PHKA1: variants seen among roughly 807,000 people sequenced by gnomAD.
PHKA1 encodes phosphorylase b kinase regulatory subunit alpha, skeletal muscle isoform.
Under a neutral mutation model 110.2 loss-of-function variants are expected in PHKA1, and 60 were observed. The observed-to-expected ratio is 0.54, with a 90% confidence interval of 0.44 to 0.68. PHKA1 has a LOEUF of 0.68. Among genes scored for constraint, PHKA1 ranks in the 30% least tolerant of loss-of-function variants. The pLI is 0.00. For synonymous variants in PHKA1, 316 were observed against 333.6 expected (o/e 0.95, Z 0.58); for missense variants, 801 against 942.5 (o/e 0.85, Z 1.97).
intron 28 of PHKA1, among the ~76,000 whole-genome samples, chrX:72,596,422 T>A (rs1556234396): frequency 9.0e-6 from 1 of 111,628 alleles, no homozygotes; most frequent in East Asian, 2.8e-4. Context: ...CACTTAAAAA[T>A]TTTTTAAAGG....
chrX:72,673,161 T>A (rs1258139206), intron 6 of PHKA1, among the ~76,000 whole-genome samples: 16 of 111,672 alleles, frequency 1.4e-4, no homozygotes, highest in African/African-American at 5.2e-4. Context: ...TAGGTGGCAG[T>A]ATAATGCCAG....
At chrX:72,636,098 A>G (rs1337216103) in intron 15 of PHKA1, among the ~76,000 whole-genome samples, 179 bp downstream of exon 15, 1 of 111,914 alleles carries the variant, frequency 8.9e-6, no homozygotes, top group Non-Finnish European at 1.9e-5. Context: ...TCACTTAGTG[A>G]AACTCTGTGC....
intron 6 of PHKA1, among the ~76,000 whole-genome samples, chrX:72,672,365 C>T (rs1351008964): frequency 3.6e-5 from 4 of 111,577 alleles, no homozygotes; most frequent in African/African-American, 6.5e-5. Flanking sequence ...ACCTGGCTCC[C>T]GTTCATCATG....
chrX:72,600,685 G>A (rs2052647150), intron 28 of PHKA1, among the ~76,000 whole-genome samples: 1 of 110,676 alleles, frequency 9.0e-6, no homozygotes, highest in Admixed American at 9.7e-5. Context: ...TTCCTAAATG[G>A]TTTCTAATTC....
intron 5 of PHKA1, among the ~76,000 whole-genome samples, chrX:72,682,215 G>C (rs1335512567): frequency 3.9e-4 from 35 of 89,399 alleles, no homozygotes; most frequent in Non-Finnish European, 7.5e-4. Flanking sequence ...GGGGGGGTCA[G>C]CCGCCCCGTC....
At chrX:72,650,901 T>C (rs1194265104) in intron 12 of PHKA1, among the ~76,000 whole-genome samples, 1 of 111,417 alleles carries the variant, frequency 9.0e-6, no homozygotes, top group African/African-American at 3.3e-5. Flanking sequence ...AGTTTATTCA[T>C]GGAGACAAGG....
At chrX:72,663,884 G>A (rs1272897065) in intron 8 of PHKA1, among the ~76,000 whole-genome samples, 1 of 109,417 alleles carries the variant, frequency 9.1e-6, no homozygotes, top group East Asian at 2.9e-4. Context: ...AAACTCACTA[G>A]TACATACAGA....
intron 1 of PHKA1, among the ~76,000 whole-genome samples, chrX:72,713,242 C>G (rs1444252740): frequency 9.0e-6 from 1 of 111,479 alleles, no homozygotes; most frequent in Non-Finnish European, 1.9e-5. Context: ...TACCTCACAG[C>G]TACCTTTTTT....
At chrX:72,586,658 C>T (rs2052435201) in intron 29 of PHKA1, among the ~76,000 whole-genome samples, 2 of 110,352 alleles carry the variant, frequency 1.8e-5, no homozygotes, top group Admixed American at 1.9e-4. Flanking sequence ...TGTTTGAACC[C>T]ATCACAAGGA....
In PHKA1 at chrX:72,676,100, C is replaced by T; in HGVS notation, c.588G>A (p.Glu196=). 1 of 1,210,336 alleles carries T rather than the reference C, an allele frequency of 8.3e-7. No individual in the cohort carries two copies. The highest frequency in any genetic ancestry group is 1.1e-6 in the Non-Finnish European group (1 of 894,456). ...RGDKTNQGIS[E]LNASSVGMAK... ...CCATTCCAACTGAACTGGCATTCAA[C>T]TCTGAGATCCCTTGGTTGGTCTTGT... The change falls in exon 6 of 32, where the codon GAG becomes GAA. Residue 196 remains glutamate, a synonymous_variant. Coordinates refer to ENST00000373542, the MANE Select transcript of PHKA1 (RefSeq NM_002637.4).
rs1225604720 is a variant in PHKA1 at position 72,653,620 on chromosome X, G to A, written c.1042-90C>T. Reference sequence around the variant, plus strand: ...GGTTGCAGCCAAAGAAGGTCCTATTGCAAAGGAGCTTATTCACCCAGTAAA... The same window carrying A: ...GGTTGCAGCCAAAGAAGGTCCTATTACAAAGGAGCTTATTCACCCAGTAAA... On this transcript the variant is annotated intron_variant, in intron 10 of 31. Transcript: ENST00000373542. The A allele has an allele frequency of 1.1e-5, 6 of 569,764 alleles. No individual in the cohort carries two copies. The African/African-American group carries it at 1.4e-4, about 13-fold the overall frequency. The allele number at this position is 569,764 out of a possible 1,213,427, so 47.0% of individuals were successfully genotyped here.
At chrX:72,643,741 T>A (rs2053325487) in intron 14 of PHKA1, among the ~76,000 whole-genome samples, 1 of 111,816 alleles carries the variant, frequency 8.9e-6, no homozygotes, top group African/African-American at 3.2e-5. Flanking sequence ...CTATCTCAAA[T>A]GAGTCCATTT....
rs1460929053 is a variant in PHKA1, at chrX:72,699,117, G to T, written c.286-3241C>A. On this transcript the variant is annotated intron_variant, in intron 3 of 31. Transcript: ENST00000373542. ...AAAACATTCTTGCTAAAAAATAAAA[G>T]GTGAACAAGTTTTGTCTAATTCAAA... Among the ~76,000 whole-genome samples the T allele has an allele frequency of 2.1e-4, 23 of 110,668 alleles. No individual in the cohort carries two copies. In the Admixed American group the frequency reaches 2.2e-3, roughly 11 times the overall value.
chrX:72,584,439 G>T (rs1259730345), intron 29 of PHKA1, 137 bp from the exon 30 acceptor site: 2 of 600,334 alleles, frequency 3.3e-6, no homozygotes, highest in African/African-American at 4.4e-5. Context: ...AGACTAGCAA[G>T]GGGCTCTGCA....
intron 8 of PHKA1, among the ~76,000 whole-genome samples, chrX:72,661,817 AC>A (rs1354019278): frequency 1.8e-5 from 2 of 109,029 alleles, no homozygotes; most frequent in Non-Finnish European, 3.8e-5. Context: ...TGTCTTCCCC[AC>A]AAAAAAGGAC....
At chrX:72,661,766 TC>T (rs1236999110) in intron 8 of PHKA1, among the ~76,000 whole-genome samples, 1 of 78,906 alleles carries the variant, frequency 1.3e-5, no homozygotes, top group Non-Finnish European at 2.4e-5. Context: ...AAAAAAAGAA[TC>T]AACATAGAGC....
At chrX:72,643,379 T>G in intron 14 of PHKA1, among the ~76,000 whole-genome samples, 1 of 111,783 alleles carries the variant, frequency 8.9e-6, no homozygotes, top group Non-Finnish European at 1.9e-5. Context: ...TGTATTACTT[T>G]TCTATTGGTT....
Position 72,611,866 on chromosome X carries a change from A to T in PHKA1, c.2370-682T>A, listed in dbSNP as rs1485920677. ...AATAAAAATTGGACAATTCCTTTGG[A>T]GAGCTATTTGGAAATATATATCAGT... On this transcript the variant is annotated intron_variant, in intron 21 of 31. Coordinates refer to ENST00000373542, the MANE Select transcript of PHKA1 (RefSeq NM_002637.4). Among the ~76,000 whole-genome samples, 7 of 112,170 alleles carry T rather than the reference A, an allele frequency of 6.2e-5. 1 individual carries two copies. Among genetic ancestry groups the T allele is most frequent in the African/African-American group, 2.3e-4 (7 of 30,898 alleles).
intron 28 of PHKA1, among the ~76,000 whole-genome samples, chrX:72,599,520 C>A (rs1347314193): frequency 8.9e-6 from 1 of 111,745 alleles, no homozygotes; most frequent in Non-Finnish European, 1.9e-5. Context: ...TACTGGGCCT[C>A]ATCCGCAGTC....
Sources: gnomAD v4.1 joint callset for allele counts (sites outside exome capture counted in the v4.1 genomes callset) on GRCh38, gnomAD v4.1.1 for gene constraint, MANE v1.5 for transcripts, NCBI Gene and HGNC (gene_info 2026-07-23, HGNC 2026-07-21) for gene names.